The following RAB8A variants were observed in gnomAD, a reference collection of about 807,000 sequenced individuals.
RAB8A encodes RAB8A, member RAS oncogene family, also known as ras-related protein Rab-8A.
A neutral mutation model predicts 29.2 loss-of-function variants in RAB8A; 5 were observed. The ratio of observed to expected loss-of-function variants is 0.17; its 90% CI spans 0.09 to 0.36. The LOEUF (loss-of-function observed/expected upper bound fraction) is 0.36. Ranked by LOEUF, RAB8A falls within the 10% of genes least tolerant of loss-of-function variation. The probability of loss-of-function intolerance (pLI) is 1.00; values close to 1 mark genes in which losing one functional copy is unlikely to be tolerated. For missense variants in RAB8A, 171 were observed against 272.2 expected (o/e 0.63, Z 2.62); for synonymous variants, 108 against 99.9 (o/e 1.08, Z -0.49).
intron 2 of RAB8A, 125 bp downstream of exon 2, chr19:16,118,411 C>A: frequency 1.2e-6 from 1 of 836,710 alleles, no homozygotes; most frequent in Non-Finnish European, 1.9e-6. Context: ...AGTCCTGGCA[C>A]ATGGGGCTTT....
intron 1 of RAB8A, among the ~76,000 whole-genome samples, chr19:16,114,108 A>G (rs886269475): frequency 6.6e-6 from 1 of 151,896 alleles, no homozygotes; most frequent in African/African-American, 2.4e-5. Flanking sequence ...CTCTACAAAA[A>G]ATAAAATAAA....
At chr19:16,115,326 AC>A (rs2090841819) in intron 1 of RAB8A, among the ~76,000 whole-genome samples, 1 of 152,000 alleles carries the variant, frequency 6.6e-6, no homozygotes, top group South Asian at 2.1e-4. Flanking sequence ...GGCTGAGTGT[AC>A]CTCTGGGTTT....
Position 16,127,887 on chromosome 19 carries a change from A to T in RAB8A, c.415-139A>T. On this transcript the variant is annotated intron_variant, in intron 5 of 7. Transcript: ENST00000300935. This position sits in a 1 kb window ranked among gnomAD's most constrained non-coding sequence, Gnocchi z 4.8. Reference sequence around the variant, plus strand: ...CATTCACTATAGAATTGAGGGAGTGATCCAGGAAGTCACGCCCACAGCCCC... The same window carrying T: ...CATTCACTATAGAATTGAGGGAGTGTTCCAGGAAGTCACGCCCACAGCCCC... 1 of 821,268 alleles carries T rather than the reference A, an allele frequency of 1.2e-6. No homozygotes were observed. The highest frequency in any genetic ancestry group is 2.0e-6 in the Non-Finnish European group (1 of 488,784). 50.9% of individuals were successfully genotyped at this position (821,268 alleles called of 1,614,324 possible).
rs1235650171 is a variant in RAB8A, at chr19:16,122,166, T to G, written c.246+356T>G. ...CATGACCTGCATCTGTCTCTGAAAT[T>G]TGCTACCAAAAGCTTGAAGATCTTC... On this transcript the variant is annotated intron_variant, in intron 3 of 7. Transcript: ENST00000300935. This position sits in a 1 kb window ranked among gnomAD's most constrained non-coding sequence, Gnocchi z 4.7. 4.9e-6 allele frequency: 1 copy of G among 204,668 alleles called. No homozygotes were observed. Among genetic ancestry groups the G allele is most frequent in the Non-Finnish European group, 9.9e-6 (1 of 100,816 alleles). The allele number at this position is 204,668 out of a possible 1,614,324, so 12.7% of individuals were successfully genotyped here. A position where few individuals can be genotyped will look rare whatever the true frequency, so the allele number is the denominator to read the frequency against.
intron 6 of RAB8A, among the ~76,000 whole-genome samples, chr19:16,128,968 C>T (rs955043082): frequency 6.6e-6 from 1 of 152,210 alleles, no homozygotes; most frequent in Non-Finnish European, 1.5e-5. Flanking sequence ...GTCCCCTCCT[C>T]AAGGCTGTGA....
At chr19:16,120,440 G>A (rs1168493179) in intron 2 of RAB8A, among the ~76,000 whole-genome samples, 1 of 151,068 alleles carries the variant, frequency 6.6e-6, no homozygotes, top group Non-Finnish European at 1.5e-5. Flanking sequence ...AGCTTCCCGA[G>A]TAGCTGGGAT....
intron 1 of RAB8A, 149 bp downstream of exon 1, chr19:16,112,174 A>C: frequency 2.5e-6 from 3 of 1,208,896 alleles, no homozygotes. Context: ...AGTCGCCTGC[A>C]CCGCCGTTCG....
chr19:16,112,168 G>A, intron 1 of RAB8A, 143 bp downstream of exon 1: 2 of 1,224,778 alleles, frequency 1.6e-6, no homozygotes, highest in Non-Finnish European at 2.3e-6. Context: ...AAGAGCAGTC[G>A]CCTGCACCGC....
intron 2 of RAB8A, among the ~76,000 whole-genome samples, chr19:16,120,905 C>A (rs74849352): frequency 0.16 from 23,729 of 148,154 alleles, 1,978 homozygotes; most frequent in Non-Finnish European, 0.19. Context: ...GCCACTGCAC[C>A]AGGCCAGTTA....
At chr19:16,131,859 GTT>G (rs2090925924) in intron 7 of RAB8A, among the ~76,000 whole-genome samples, 1 of 38,064 alleles carries the variant, frequency 2.6e-5, no homozygotes, top group Non-Finnish European at 5.8e-5. Flanking sequence ...TGGATGGTTG[GTT>G]GGTTGGTTGG....
chr19:16,132,626 C>T lies in RAB8A; in HGVS notation c.*322C>T. On this transcript the variant is annotated 3_prime_UTR_variant, in exon 8 of 8. Transcript: ENST00000300935. This position sits in a 1 kb window ranked among gnomAD's most constrained non-coding sequence, Gnocchi z 5.6. The stretch of plus-strand genomic sequence containing the variant: ...GACCACAGCCAGTGTCAGGCCTCTG[C>T]CTCTGGGCCTTTGCTTTGTGGCCTC... 3.2e-6 allele frequency: 1 copy of T among 311,670 alleles called. No homozygotes were observed. Among genetic ancestry groups the T allele is most frequent in the Non-Finnish European group, 6.1e-6 (1 of 162,992 alleles). The allele number at this position is 311,670 out of a possible 1,614,324, so 19.3% of individuals were successfully genotyped here. A position where few individuals can be genotyped will look rare whatever the true frequency, so the allele number is the denominator to read the frequency against.
chr19:16,130,023 C>T (rs903621003), intron 7 of RAB8A, among the ~76,000 whole-genome samples: 11 of 152,150 alleles, frequency 7.2e-5, no homozygotes, highest in African/African-American at 1.2e-4. Context: ...AACCTGCCCC[C>T]GCTCCACCCC....
chr19:16,125,391 A>T lies in RAB8A; in HGVS notation c.247-79A>T. ...TGCAGTGGGTGCTGGGCTCCCCACC[A>T]CTGTTCTCTGGTGCCGCTGAGGCCT... On this transcript the variant is annotated intron_variant, in intron 3 of 7. Transcript: ENST00000300935. The surrounding 1 kb of genome is among the most constrained non-coding windows in gnomAD (Gnocchi z 5.0). 7.7e-7 allele frequency: 1 copy of T among 1,290,806 alleles called. No homozygotes were observed. The allele number at this position is 1,290,806 out of a possible 1,614,324, so 80.0% of individuals were successfully genotyped here. A position where few individuals can be genotyped will look rare whatever the true frequency, so the allele number is the denominator to read the frequency against.
At position 16,122,041 on chromosome 19, in the gene RAB8A, A is replaced by T. The variant is rs2090877737; in HGVS notation, c.246+231A>T. On this transcript the variant is annotated intron_variant, in intron 3 of 7. Coordinates refer to ENST00000300935, the MANE Select transcript of RAB8A (RefSeq NM_005370.5). This position sits in a 1 kb window ranked among gnomAD's most constrained non-coding sequence, Gnocchi z 4.7. ...AATGCAAGGTTTAAATAAAGTGGAA[A>T]CATAATTCTTTGGGAATGAAGAAAG... 2 of 449,300 alleles carry T rather than the reference A, an allele frequency of 4.5e-6. No homozygotes were observed. The highest frequency in any genetic ancestry group is 8.1e-6 in the Non-Finnish European group (2 of 247,362). The allele number at this position is 449,300 out of a possible 1,614,324, so 27.8% of individuals were successfully genotyped here.
chr19:16,114,678 G>A (rs750566831), intron 1 of RAB8A, among the ~76,000 whole-genome samples: 3 of 148,758 alleles, frequency 2.0e-5, no homozygotes, highest in Admixed American at 6.7e-5. Context: ...ATGAGCCACC[G>A]CGCCCAGCCC....
At position 16,115,593 on chromosome 19, in the gene RAB8A, G is replaced by A. The variant is rs115217166; in HGVS notation, c.125-2633G>A. On this transcript the variant is annotated intron_variant, in intron 1 of 7. Coordinates refer to ENST00000300935, the MANE Select transcript of RAB8A (RefSeq NM_005370.5). ...TGCTTTGTGAACCGCTCAACACCGC[G>A]TAGACCCTGTTGCGCTTTAATACTT... Among the ~76,000 whole-genome samples, 508 of 152,240 alleles carry A rather than the reference G, an allele frequency of 3.3e-3. 1 individual carries two copies. Among genetic ancestry groups the A allele is most frequent in the African/African-American group, 0.012 (490 of 41,556 alleles).
intron 7 of RAB8A, among the ~76,000 whole-genome samples, chr19:16,131,871 G>A (rs957999477): frequency 6.8e-6 from 1 of 147,512 alleles, no homozygotes; most frequent in African/African-American, 2.5e-5. Context: ...TGGTTGGTTG[G>A]TTGGTTGGTT....
At position 16,118,387 on chromosome 19, in the gene RAB8A, A is replaced by G. The variant is rs1022196247; in HGVS notation, c.185+101A>G. 4 of 1,094,564 alleles carry G rather than the reference A, an allele frequency of 3.7e-6. No homozygotes were observed. In the African/African-American group the frequency reaches 4.7e-5, roughly 13 times the overall value. 67.8% of individuals were successfully genotyped at this position (1,094,564 alleles called of 1,614,324 possible). A position where few individuals can be genotyped will look rare whatever the true frequency, so the allele number is the denominator to read the frequency against. On this transcript the variant is annotated intron_variant, in intron 2 of 7. Transcript: ENST00000300935. ...CACCGTCCCTGTGACCTTGGCCTCC[A>G]TTTCTTGGTGCCCAGTCCTGGCACA...
chr19:16,118,121 C>T (rs1334652686), intron 1 of RAB8A, 105 bp from the exon 2 acceptor site: 11 of 908,010 alleles, frequency 1.2e-5, no homozygotes, highest in South Asian at 4.2e-5. Context: ...GCAGGGTCTC[C>T]GTAAGCCACA....
Sources: allele counts gnomAD v4.1 joint callset (sites outside exome capture counted in the v4.1 genomes callset), GRCh38; gene constraint gnomAD v4.1.1; non-coding constraint Gnocchi (gnomAD v3.1); transcripts MANE v1.5; gene names NCBI Gene and HGNC (gene_info 2026-07-23, HGNC 2026-07-21).